Variants in CAMTA1 observed in about 807,000 individuals in gnomAD.
CAMTA1 encodes the protein calmodulin-binding transcription activator 1.
A neutral mutation model predicts 170.9 loss-of-function variants in CAMTA1; 27 were observed. The observed-to-expected ratio is 0.16, with a 90% confidence interval of 0.12 to 0.22. The LOEUF is 0.22. Among genes scored for constraint, CAMTA1 ranks in the 10% least tolerant of loss-of-function variants. CAMTA1 has a pLI of 1.00. For synonymous variants in CAMTA1, 833 were observed against 891.5 expected (o/e 0.93, Z 1.17); for missense variants, 1,619 against 2,217.2 (o/e 0.73, Z 5.42).
At chr1:7,341,036 G>T (rs993475047) in intron 5 of CAMTA1, among the ~76,000 whole-genome samples, 6 of 152,188 alleles carry the variant, frequency 3.9e-5, no homozygotes, top group Non-Finnish European at 8.8e-5. Flanking sequence ...TCCTTCTTAG[G>T]CCATGCCAAG....
intron 3 of CAMTA1, among the ~76,000 whole-genome samples, chr1:6,977,393 T>A (rs190303109): frequency 6.6e-6 from 1 of 151,548 alleles, no homozygotes; most frequent in African/African-American, 2.4e-5. Flanking sequence ...CAGGCTGGAG[T>A]GCAGTGGCGC....
At position 7,499,765 on chromosome 1, in the gene CAMTA1, TTG is replaced by T. The variant is rs1360947408; in HGVS notation, c.510+31867_510+31868del. Among the ~76,000 whole-genome samples the T allele has an allele frequency of 2.5e-4, 27 of 107,766 alleles. 3 individuals carry two copies. The East Asian group carries it at 5.5e-3, about 22-fold the overall frequency. 70.7% of individuals were successfully genotyped at this position (107,766 alleles called of 152,430 possible). A position where few individuals can be genotyped will look rare whatever the true frequency, so the allele number is the denominator to read the frequency against. ...GTGTAGAGAGGATTGTGTGAGCCTG[TTG>T]TGAGTGTGTGTGTCCATGAGTGTGT... On this transcript the variant is annotated intron_variant, in intron 6 of 22. Coordinates refer to ENST00000303635, the MANE Select transcript of CAMTA1 (RefSeq NM_015215.4).
intron 1 of CAMTA1, among the ~76,000 whole-genome samples, chr1:6,805,557 G>C (rs114691647): frequency 1.8e-3 from 268 of 152,294 alleles, no homozygotes; most frequent in African/African-American, 6.3e-3. Context: ...CCAGGCAGGA[G>C]TGTAGTGATG....
At chr1:7,277,745 T>G (rs12745074) in intron 5 of CAMTA1, among the ~76,000 whole-genome samples, 13,002 of 151,500 alleles carry the variant, frequency 0.086, 624 homozygotes, top group Middle Eastern at 0.15. Context: ...TCTTTCTGAA[T>G]GCTTTTCACA....
intron 1 of CAMTA1, among the ~76,000 whole-genome samples, chr1:6,786,077 C>T (rs997992931): frequency 6.6e-6 from 1 of 151,804 alleles, no homozygotes; most frequent in African/African-American, 2.4e-5. Context: ...GCGCTCAGCC[C>T]TCGCCGGCCC....
chr1:6,930,037 G>A (rs1387170046), intron 3 of CAMTA1, among the ~76,000 whole-genome samples: 1 of 152,138 alleles, frequency 6.6e-6, no homozygotes, highest in Non-Finnish European at 1.5e-5. Context: ...TGGTGTTTTA[G>A]GATGAGCCTT....
chr1:7,602,011 A>AGAGGGAGAG (rs1203360287), intron 6 of CAMTA1, among the ~76,000 whole-genome samples: 8 of 124,476 alleles, frequency 6.4e-5, no homozygotes, highest in Admixed American at 3.8e-4. Context: ...AGGGAGAGGG[A>AGAGGGAGAG]GAGGGAGAGG....
chr1:7,761,136 G>A (rs932591019), intron 22 of CAMTA1, among the ~76,000 whole-genome samples: 47 of 152,172 alleles, frequency 3.1e-4, no homozygotes, highest in African/African-American at 1.1e-3. Context: ...CCAGAGTGGT[G>A]ATTATTCTCA....
chr1:7,046,122 C>A (rs1705342740), intron 3 of CAMTA1, among the ~76,000 whole-genome samples: 1 of 152,204 alleles, frequency 6.6e-6, no homozygotes, highest in Admixed American at 6.5e-5. Flanking sequence ...CACAGAAAGT[C>A]TGATCTCAGA....
chr1:7,167,990 C>T (rs1048859665), intron 4 of CAMTA1, among the ~76,000 whole-genome samples: 1 of 152,152 alleles, frequency 6.6e-6, no homozygotes, highest in Non-Finnish European at 1.5e-5. Context: ...TTCAAACAAT[C>T]CTCCCAAAGT....
At chr1:6,889,806 GTTTTA>G (rs1328639663) in intron 3 of CAMTA1, among the ~76,000 whole-genome samples, 1 of 152,078 alleles carries the variant, frequency 6.6e-6, no homozygotes, top group Non-Finnish European at 1.5e-5. Flanking sequence ...ATCACTCTTA[GTTTTA>G]TTTTATTTGT....
rs1646077312 is a variant in CAMTA1 at position 7,144,593 on chromosome 1, C to T, written c.302+53222C>T. On this transcript the variant is annotated intron_variant, in intron 4 of 22. Coordinates refer to ENST00000303635, the MANE Select transcript of CAMTA1 (RefSeq NM_015215.4). This position sits in a 1 kb window ranked among gnomAD's most constrained non-coding sequence, Gnocchi z 4.0. ...CTTCAGTGTTGTGAGGACTTACTCT[C>T]ATTTTCAGAACTCGTTACGAGACTT... 6.6e-6 allele frequency among the ~76,000 whole-genome samples: 1 copy of T among 152,150 alleles called. No individual in the cohort carries two copies.
intron 3 of CAMTA1, among the ~76,000 whole-genome samples, chr1:7,084,043 A>G (rs1640386259): frequency 2.0e-5 from 3 of 151,878 alleles, no homozygotes; most frequent in Admixed American, 2.0e-4. Context: ...CATAAAAACC[A>G]AGCTTTAAGA....
intron 3 of CAMTA1, among the ~76,000 whole-genome samples, chr1:6,972,513 C>T (rs1253112019): frequency 6.6e-6 from 1 of 152,168 alleles, no homozygotes; most frequent in Non-Finnish European, 1.5e-5. Context: ...TGCCGTGTGC[C>T]AGGCTGCTCT....
In CAMTA1 at chr1:7,441,425, TA is replaced by T. The variant is rs1250516094; in HGVS notation, c.439-26404del. 4 of 152,120 alleles carry T rather than the reference TA, an allele frequency of 2.6e-5. No homozygotes were observed. In the East Asian group the frequency reaches 7.7e-4, roughly 29 times the overall value. 9.4% of individuals were successfully genotyped at this position (152,120 alleles called of 1,614,324 possible). ...GCCAGTCCTGGGGGATAAAGAACAG[TA>T]TCAGAAAGATACTCAGACAGAGCTG... On this transcript the variant is annotated intron_variant, in intron 5 of 22. Coordinates refer to ENST00000303635, the MANE Select transcript of CAMTA1 (RefSeq NM_015215.4).
chr1:7,766,619 A>T lies in CAMTA1; in HGVS notation c.*128A>T, dbSNP rs1242345862. On this transcript the variant is annotated 3_prime_UTR_variant, in exon 23 of 23. Transcript: ENST00000303635. ...CACACACACACACGTACACACACAT[A>T]CAAAATCCCTCTGCAGTTTTGGGGA... 1.2e-5 allele frequency: 9 copies of T among 777,978 alleles called. No homozygotes were observed. In the East Asian group the frequency reaches 2.4e-4, roughly 21 times the overall value. The allele number at this position is 777,978 out of a possible 1,614,324, so 48.2% of individuals were successfully genotyped here.
chr1:7,243,918 C>T (rs566341659), intron 4 of CAMTA1, among the ~76,000 whole-genome samples: 6 of 152,264 alleles, frequency 3.9e-5, no homozygotes, highest in South Asian at 4.1e-4. Context: ...AGAGCTTCTG[C>T]ACAGCAAAAG....
chr1:6,953,364 C>A (rs375739784), intron 3 of CAMTA1, among the ~76,000 whole-genome samples: 1 of 152,252 alleles, frequency 6.6e-6, no homozygotes, highest in Admixed American at 6.5e-5. Context: ...ACCCCGGGAA[C>A]GTGGCCAAGA....
Position 7,669,745 on chromosome 1 carries a change from G to C in CAMTA1, c.2653-1166G>C, listed in dbSNP as rs1576724656. 2.0e-5 allele frequency among the ~76,000 whole-genome samples: 3 copies of C among 152,288 alleles called. No homozygotes were observed. In the East Asian group the frequency reaches 5.8e-4, roughly 29 times the overall value. On this transcript the variant is annotated intron_variant, in intron 9 of 22. Transcript: ENST00000303635. Reference sequence around the variant, plus strand: ...TGGGGTGGATGGCGCCTCTGGGGTGGGTCCACCCAAGGTTAGCCAGGAGAG... The same window carrying C: ...TGGGGTGGATGGCGCCTCTGGGGTGCGTCCACCCAAGGTTAGCCAGGAGAG...
Sources: allele counts gnomAD v4.1 joint callset (sites outside exome capture counted in the v4.1 genomes callset), GRCh38; gene constraint gnomAD v4.1.1; non-coding constraint Gnocchi (gnomAD v3.1); transcripts MANE v1.5; gene names NCBI Gene and HGNC (gene_info 2026-07-23, HGNC 2026-07-21).